TIAM2: variants seen among roughly 807,000 people sequenced by gnomAD.
TIAM2 encodes rho guanine nucleotide exchange factor TIAM2.
In TIAM2, 80 loss-of-function variants were observed where a neutral mutation model predicts 152.9. That is an observed-to-expected ratio of 0.52 (90% CI 0.44 to 0.63). TIAM2 has a LOEUF of 0.63. TIAM2 is among the 30% of genes least tolerant of loss of function. The pLI is 0.00. For missense variants in TIAM2, 1,965 were observed against 2,120.1 expected (o/e 0.93, Z 1.44); for synonymous variants, 804 against 838.0 (o/e 0.96, Z 0.70).
intron 1 of TIAM2, among the ~76,000 whole-genome samples, chr6:155,083,864 A>G (rs1422295293): frequency 1.3e-5 from 2 of 152,222 alleles, no homozygotes; most frequent in Non-Finnish European, 2.9e-5. Context: ...GACATACGAA[A>G]CCAGATAAAT....
intron 15 of TIAM2, among the ~76,000 whole-genome samples, chr6:155,236,187 G>A (rs55662214): frequency 0.43 from 64,518 of 151,338 alleles, 14,874 homozygotes; most frequent in Middle Eastern, 0.57. Flanking sequence ...CTGTGATTCC[G>A]TCAATTTCCT....
chr6:155,072,842 A>G (rs1295981050), intron 1 of TIAM2, among the ~76,000 whole-genome samples: 3 of 152,162 alleles, frequency 2.0e-5, no homozygotes, highest in Non-Finnish European at 4.4e-5. Flanking sequence ...GTTGTGGGGC[A>G]GGGAATCACC....
chr6:155,013,910 ATCTG>A (rs2114851315), intron 1 of TIAM2: 2 of 127,572 alleles, frequency 1.6e-5, no homozygotes, highest in East Asian at 5.2e-4. Context: ...ATGTCTATGT[ATCTG>A]TCTACACACA....
intron 1 of TIAM2, among the ~76,000 whole-genome samples, chr6:155,053,890 T>A (rs1583169654): frequency 1.3e-5 from 2 of 152,304 alleles, no homozygotes; most frequent in East Asian, 1.9e-4. Flanking sequence ...ATTAAAACAC[T>A]GTTAGGGTCA....
intron 2 of TIAM2, among the ~76,000 whole-genome samples, chr6:155,098,926 G>A (rs766361568): frequency 1.3e-5 from 2 of 152,154 alleles, no homozygotes; most frequent in Non-Finnish European, 2.9e-5. Flanking sequence ...AGTGGCTCAC[G>A]CCTGTAATCC....
intron 2 of TIAM2, among the ~76,000 whole-genome samples, chr6:155,095,494 ATGAC>A (rs1583187192): frequency 6.6e-6 from 1 of 152,140 alleles, no homozygotes; most frequent in Non-Finnish European, 1.5e-5. Context: ...AATTTTTAGA[ATGAC>A]TGATTTAAAG....
intron 1 of TIAM2, among the ~76,000 whole-genome samples, chr6:155,074,853 C>CAA (rs71023618): frequency 0.042 from 1,531 of 36,322 alleles, 70 homozygotes; most frequent in African/African-American, 0.093. Flanking sequence ...GACTCTGTCT[C>CAA]AAAAAAAAAA....
intron 3 of TIAM2, among the ~76,000 whole-genome samples, 173 bp downstream of exon 3, chr6:155,127,773 A>G (rs1779331001): frequency 1.3e-5 from 2 of 152,232 alleles, no homozygotes; most frequent in African/African-American, 4.8e-5. Context: ...ACATTCTTAG[A>G]TATAAAAGAA....
At chr6:155,030,182 C>T (rs112326230) in intron 1 of TIAM2, among the ~76,000 whole-genome samples, 3,133 of 151,954 alleles carry the variant, frequency 0.021, 95 homozygotes, top group African/African-American at 0.071. Flanking sequence ...TCTGAAATTA[C>T]GGAGTTTGGG....
rs1779409012 is a variant in TIAM2, at chr6:155,130,102, C to T, written c.879C>T (p.Ser293=). 6.2e-7 allele frequency: 1 copy of T among 1,614,014 alleles called. No individual in the cohort carries two copies. ...PGDAKKPFNQ[S]SSLSSLRELY... is the part of the protein sequence containing the mutation. ...ATGCCAAAAAGCCTTTCAACCAAAG[C>T]TCTTCCCTCTCCTCCCTCCGGGAAC... Residue 293 remains serine, a synonymous_variant, in exon 4 of 27, where the codon AGC becomes AGT. Transcript: ENST00000682666.
At position 155,058,057 on chromosome 6, in the gene TIAM2, G is replaced by T. The variant is rs540190766; in HGVS notation, c.-208-32232G>T. ...TGTTTTGACCATTGGAGCTCTTTCA[G>T]GTGGCTCTTGAATCTCTGACATACC... On this transcript the variant is annotated intron_variant, in intron 1 of 26. Coordinates refer to ENST00000682666, the MANE Select transcript of TIAM2 (RefSeq NM_012454.4). 8.5e-5 allele frequency among the ~76,000 whole-genome samples: 13 copies of T among 152,136 alleles called. No homozygotes were observed. The South Asian group carries it at 1.7e-3, about 19-fold the overall frequency.
intron 1 of TIAM2, among the ~76,000 whole-genome samples, chr6:155,021,396 G>A (rs1167220239): frequency 6.6e-6 from 1 of 151,948 alleles, no homozygotes; most frequent in African/African-American, 2.4e-5. Context: ...CGAGTAGCTG[G>A]GATTGCAGAC....
chr6:155,114,055 T>C (rs1334003033), intron 2 of TIAM2, among the ~76,000 whole-genome samples: 6 of 101,012 alleles, frequency 5.9e-5, no homozygotes, highest in East Asian at 5.4e-4. Context: ...TTTTTCTTTT[T>C]TTTTTTTTTT....
intron 6 of TIAM2, among the ~76,000 whole-genome samples, chr6:155,145,665 G>A (rs571836838): frequency 1.3e-5 from 2 of 152,248 alleles, no homozygotes; most frequent in African/African-American, 4.8e-5. Context: ...CATCTGACTG[G>A]AAGTTTCATG....
At chr6:155,096,161 T>C (rs182195803) in intron 2 of TIAM2, among the ~76,000 whole-genome samples, 1 of 152,318 alleles carries the variant, frequency 6.6e-6, no homozygotes, top group Non-Finnish European at 1.5e-5. Context: ...GTATTTAATT[T>C]GGATATAATG....
At chr6:155,019,038 T>TAA (rs780102424) in intron 1 of TIAM2, among the ~76,000 whole-genome samples, 2 of 133,018 alleles carry the variant, frequency 1.5e-5, no homozygotes, top group Non-Finnish European at 1.6e-5. Flanking sequence ...AGACTCCATC[T>TAA]AAAAAAAAAA....
At chr6:155,223,200 C>A (rs551334732) in intron 15 of TIAM2, among the ~76,000 whole-genome samples, 1 of 152,134 alleles carries the variant, frequency 6.6e-6, no homozygotes, top group Non-Finnish European at 1.5e-5. Context: ...ATTTATGAAC[C>A]GTCAGTTTGT....
intron 10 of TIAM2, 71 bp downstream of exon 10, chr6:155,177,048 T>C: frequency 6.7e-7 from 1 of 1,482,362 alleles, no homozygotes; most frequent in Non-Finnish European, 9.1e-7. Context: ...TTATGCCTTC[T>C]AAATTCATGT....
intron 1 of TIAM2, among the ~76,000 whole-genome samples, chr6:155,070,769 G>A (rs1762955899): frequency 6.6e-6 from 1 of 152,174 alleles, no homozygotes; most frequent in Non-Finnish European, 1.5e-5. Context: ...GTAGGATGGT[G>A]ATACCCTGAG....
Sources: gnomAD v4.1 joint callset for allele counts (sites outside exome capture counted in the v4.1 genomes callset) on GRCh38, gnomAD v4.1.1 for gene constraint, MANE v1.5 for transcripts, NCBI Gene and HGNC (gene_info 2026-07-23, HGNC 2026-07-21) for gene names.